The following SPAG16 variants were observed in gnomAD, a reference collection of about 807,000 sequenced individuals.
The protein encoded by SPAG16 is sperm associated antigen 16, also known as sperm-associated antigen 16 protein.
Under a neutral mutation model 80.4 loss-of-function variants are expected in SPAG16, and 86 were observed. The observed-to-expected ratio is 1.07, with a 90% CI of 0.90 to 1.28. SPAG16 has a LOEUF of 1.28. Ranked by LOEUF, SPAG16 falls within the 50% of genes most tolerant of loss-of-function variation. SPAG16 has a pLI of 0.00. For missense variants in SPAG16, 870 were observed against 765.3 expected, an observed-to-expected ratio of 1.14 and a Z score of -1.61; for synonymous variants, 294 against 265.9, an observed-to-expected ratio of 1.11 and a Z score of -1.03.
chr2:213,854,487 A>G (rs949099514), intron 10 of SPAG16, among the ~76,000 whole-genome samples: 1 of 152,222 alleles, frequency 6.6e-6, no homozygotes, highest in African/African-American at 2.4e-5. Context: ...TGTACAACAT[A>G]ATCAGCTAGT....
Position 213,777,237 on chromosome 2 carries a change from A to ATTTTT in SPAG16, c.1071-85225_1071-85221dup, listed in dbSNP as rs59548915. 7.3e-4 allele frequency among the ~76,000 whole-genome samples: 60 copies of ATTTTT among 82,758 alleles called. 4 individuals are homozygous for ATTTTT. Among genetic ancestry groups the ATTTTT allele is most frequent in the African/African-American group, 1.0e-3 (21 of 20,508 alleles). The allele number at this position is 82,758 out of a possible 152,430, so 54.3% of individuals were successfully genotyped here. A position where few individuals can be genotyped will look rare whatever the true frequency, so the allele number is the denominator to read the frequency against. On this transcript the variant is annotated intron_variant, in intron 10 of 15. Coordinates refer to ENST00000331683, the MANE Select transcript of SPAG16 (RefSeq NM_024532.5). ...TTCAGCAAGTGTCCAGTTTGTAGGA[A>ATTTTT]TTTTTTTTTTTTTTTTTTTTTTTTT...
chr2:213,508,780 G>A (rs2075088875), intron 10 of SPAG16, among the ~76,000 whole-genome samples: 1 of 152,048 alleles, frequency 6.6e-6, no homozygotes, highest in Non-Finnish European at 1.5e-5. Context: ...GGTTGGGGGA[G>A]TGGGGAGGGA....
intron 10 of SPAG16, among the ~76,000 whole-genome samples, chr2:213,523,379 G>A (rs1390941994): frequency 2.0e-5 from 3 of 152,100 alleles, no homozygotes; most frequent in Non-Finnish European, 2.9e-5. Flanking sequence ...TAAATTACCC[G>A]GACTCAGGTA....
At chr2:214,102,784 A>G (rs180844370) in intron 13 of SPAG16, among the ~76,000 whole-genome samples, 2 of 146,860 alleles carry the variant, frequency 1.4e-5, no homozygotes. Flanking sequence ...AAAGAGACCG[A>G]GACCGGGGCA....
chr2:213,393,524 T>C (rs1441111601), intron 9 of SPAG16, among the ~76,000 whole-genome samples: 1 of 152,124 alleles, frequency 6.6e-6, no homozygotes, highest in South Asian at 2.1e-4. Context: ...ATATTTACTT[T>C]TTTGTATTAT....
chr2:214,339,127 G>T (rs1697495896), intron 15 of SPAG16, among the ~76,000 whole-genome samples: 1 of 152,216 alleles, frequency 6.6e-6, no homozygotes, highest in Admixed American at 6.5e-5. Context: ...AAGAGAGTTA[G>T]ATTTAAGTAA....
At chr2:214,025,951 T>C (rs1045223479) in intron 13 of SPAG16, among the ~76,000 whole-genome samples, 1 of 151,612 alleles carries the variant, frequency 6.6e-6, no homozygotes, top group African/African-American at 2.4e-5. Flanking sequence ...TCATTTGTTG[T>C]TTATTTGACT....
At chr2:214,255,963 C>G (rs140461560) in intron 15 of SPAG16, among the ~76,000 whole-genome samples, 321 of 151,950 alleles carry the variant, frequency 2.1e-3, no homozygotes, top group Middle Eastern at 0.014. Flanking sequence ...TTTCATTTCT[C>G]GTGAGTAAAC....
At chr2:214,318,491 C>T (rs1019412466) in intron 15 of SPAG16, among the ~76,000 whole-genome samples, 1 of 147,584 alleles carries the variant, frequency 6.8e-6, no homozygotes, top group African/African-American at 2.5e-5. Flanking sequence ...AAGCAATTCT[C>T]CTGCCTCAGC....
chr2:214,382,005 C>G (rs1487020783), intron 15 of SPAG16, among the ~76,000 whole-genome samples: 1 of 152,148 alleles, frequency 6.6e-6, no homozygotes, highest in African/African-American at 2.4e-5. Context: ...TTAAGTGATC[C>G]ATAAATTTAT....
intron 10 of SPAG16, among the ~76,000 whole-genome samples, chr2:213,703,264 C>T (rs1209442815): frequency 6.6e-6 from 1 of 152,172 alleles, no homozygotes; most frequent in Non-Finnish European, 1.5e-5. Flanking sequence ...CCTAGACTGT[C>T]TTGACTGATA....
At chr2:213,473,100 G>C (rs920771049) in intron 9 of SPAG16, among the ~76,000 whole-genome samples, 1 of 152,104 alleles carries the variant, frequency 6.6e-6, no homozygotes. Context: ...TCCCTTCTAC[G>C]TAGAAGTTTT....
chr2:213,834,003 C>T (rs1045646901), intron 10 of SPAG16, among the ~76,000 whole-genome samples: 5 of 151,988 alleles, frequency 3.3e-5, no homozygotes, highest in Admixed American at 1.3e-4. Flanking sequence ...GAGAGGAAAT[C>T]GAATCGTGGG....
intron 12 of SPAG16, among the ~76,000 whole-genome samples, chr2:213,994,478 G>A (rs1286923554): frequency 6.6e-6 from 1 of 151,762 alleles, no homozygotes; most frequent in Non-Finnish European, 1.5e-5. Context: ...TTCATTAACT[G>A]ATTATAGATA....
rs1454926446 is a variant in SPAG16 at position 214,177,981 on chromosome 2, A to G, written c.1720+28715A>G. Among the ~76,000 whole-genome samples the G allele has an allele frequency of 8.1e-3, 172 of 21,280 alleles. 2 individuals are homozygous for G. Among genetic ancestry groups the G allele is most frequent in the Non-Finnish European group, 0.014 (72 of 4,978 alleles). The allele number at this position is 21,280 out of a possible 152,430, so 14.0% of individuals were successfully genotyped here. On this transcript the variant is annotated intron_variant, in intron 15 of 15. Transcript: ENST00000331683. Reference sequence around the variant, plus strand: ...CTTCACAAAGTGTATGTATATATATATATATATATATATATATATATATAT... The same window carrying G: ...CTTCACAAAGTGTATGTATATATATGTATATATATATATATATATATATAT...
chr2:214,408,173 A>G (rs148506128), intron 15 of SPAG16, among the ~76,000 whole-genome samples: 2,292 of 152,274 alleles, frequency 0.015, 64 homozygotes, highest in African/African-American at 0.052. Context: ...TATTATTTTT[A>G]GAGATGTGAA....
intron 13 of SPAG16, among the ~76,000 whole-genome samples, chr2:214,031,361 T>A (rs2048399979): frequency 7.1e-6 from 1 of 141,708 alleles, no homozygotes; most frequent in Admixed American, 7.5e-5. Context: ...CACCGCATGT[T>A]CTCACTCATA....
At chr2:214,275,656 G>A (rs1438442910) in intron 15 of SPAG16, among the ~76,000 whole-genome samples, 4 of 152,224 alleles carry the variant, frequency 2.6e-5, no homozygotes, top group Non-Finnish European at 4.4e-5. Flanking sequence ...TGGTCTGAGA[G>A]ACAGTTTGTT....
chr2:213,708,756 A>C (rs1417327225), intron 10 of SPAG16, among the ~76,000 whole-genome samples: 1 of 152,192 alleles, frequency 6.6e-6, no homozygotes, highest in African/African-American at 2.4e-5. Flanking sequence ...ATTGCACTCC[A>C]GTCTGGGTGA....
Sources: gnomAD v4.1 joint callset for allele counts (sites outside exome capture counted in the v4.1 genomes callset) on GRCh38, gnomAD v4.1.1 for gene constraint, MANE v1.5 for transcripts, NCBI Gene and HGNC (gene_info 2026-07-23, HGNC 2026-07-21) for gene names.